PAWR: variants seen among roughly 807,000 people sequenced by gnomAD.
PAWR encodes the protein PRKC apoptosis WT1 regulator protein.
A neutral mutation model predicts 32.0 loss-of-function variants in PAWR; 23 were observed. The ratio of observed to expected loss-of-function variants is 0.72; its 90% CI spans 0.52 to 1.02. PAWR has a LOEUF of 1.02. Among genes scored for constraint, PAWR ranks in the 50% least tolerant of loss-of-function variants. PAWR has a pLI of 0.00. For missense variants in PAWR, 457 were observed against 437.7 expected (o/e 1.04, Z -0.39); for synonymous variants, 226 against 187.1 (o/e 1.21, Z -1.70).
chr12:79,671,211 G>A (rs1331078279), intron 2 of PAWR, among the ~76,000 whole-genome samples: 3 of 151,248 alleles, frequency 2.0e-5, no homozygotes, highest in African/African-American at 7.3e-5. Context: ...GTTTGGTGGT[G>A]TTTTAAACTT....
At chr12:79,683,580 C>CTA (rs764939757) in intron 2 of PAWR, among the ~76,000 whole-genome samples, 9 of 149,706 alleles carry the variant, frequency 6.0e-5, no homozygotes, top group Non-Finnish European at 1.3e-4. Context: ...AGTACTGTAA[C>CTA]TAAAGTGGTA....
At chr12:79,653,292 T>A (rs1876940595) in intron 2 of PAWR, among the ~76,000 whole-genome samples, 1 of 152,174 alleles carries the variant, frequency 6.6e-6, no homozygotes, top group Non-Finnish European at 1.5e-5. Flanking sequence ...GGCCTTGGCT[T>A]CCCAAAGTAC....
At chr12:79,652,779 T>C (rs570256080) in intron 2 of PAWR, among the ~76,000 whole-genome samples, 13 of 152,334 alleles carry the variant, frequency 8.5e-5, no homozygotes, top group African/African-American at 3.1e-4. Context: ...AGCAAAGAAT[T>C]GGATTTAGTA....
At chr12:79,593,585 G>A (rs934937966) in intron 6 of PAWR, among the ~76,000 whole-genome samples, 4 of 151,316 alleles carry the variant, frequency 2.6e-5, no homozygotes, top group East Asian at 2.0e-4. Flanking sequence ...ACTTGAACCC[G>A]GGGGGTGGAG....
intron 2 of PAWR, among the ~76,000 whole-genome samples, chr12:79,633,106 A>G (rs1161250568): frequency 6.6e-6 from 1 of 152,096 alleles, no homozygotes; most frequent in Non-Finnish European, 1.5e-5. Flanking sequence ...GCCTAGGCAA[A>G]AGAGAGAGAC....
Position 79,613,631 on chromosome 12 carries a change from G to C in PAWR, c.649-22C>G, listed in dbSNP as rs540871793. On this transcript the variant is annotated intron_variant, in intron 3 of 6. Coordinates refer to ENST00000328827, the MANE Select transcript of PAWR (RefSeq NM_002583.4). ...GCTCCTGCAAAGTAAAAATAATTAT[G>C]TATCAGTTTGAGTATGTATGTACAC... The C allele has an allele frequency of 2.2e-4, 316 of 1,436,966 alleles. 1 individual carries two copies. In the South Asian group the frequency reaches 3.7e-3, roughly 17 times the overall value. 89.0% of individuals were successfully genotyped at this position (1,436,966 alleles called of 1,614,324 possible).
At chr12:79,689,593 C>A in intron 2 of PAWR, 136 bp downstream of exon 2, 2 of 960,076 alleles carry the variant, frequency 2.1e-6, no homozygotes, top group Non-Finnish European at 1.5e-6. Flanking sequence ...TCACCCCCTG[C>A]CTGCCTAACT....
At chr12:79,665,326 A>T (rs1592542602) in intron 2 of PAWR, among the ~76,000 whole-genome samples, 1 of 152,210 alleles carries the variant, frequency 6.6e-6, no homozygotes, top group Non-Finnish European at 1.5e-5. Context: ...TCTAACTAGA[A>T]AAGATTTATT....
chr12:79,647,733 C>A (rs1210582338), intron 2 of PAWR, among the ~76,000 whole-genome samples: 1 of 152,094 alleles, frequency 6.6e-6, no homozygotes, highest in Non-Finnish European at 1.5e-5. Context: ...AGCACCAGTT[C>A]TGGGGAAGGG....
chr12:79,675,590 T>C (rs563399863), intron 2 of PAWR, among the ~76,000 whole-genome samples: 2 of 152,200 alleles, frequency 1.3e-5, no homozygotes, highest in Non-Finnish European at 2.9e-5. Context: ...TGCAGCAATA[T>C]AGATGGAGCT....
chr12:79,657,563 G>T (rs189882149), intron 2 of PAWR, among the ~76,000 whole-genome samples: 1 of 152,108 alleles, frequency 6.6e-6, no homozygotes, highest in Non-Finnish European at 1.5e-5. Context: ...AGGCTGAGGC[G>T]GGCGGATCAC....
intron 2 of PAWR, among the ~76,000 whole-genome samples, chr12:79,642,379 T>C (rs1335747776): frequency 6.6e-6 from 1 of 150,722 alleles, no homozygotes. Context: ...GTCAGATGTA[T>C]TACTAAATAG....
At chr12:79,595,814 T>C (rs1239447634) in intron 5 of PAWR, among the ~76,000 whole-genome samples, 2 of 152,132 alleles carry the variant, frequency 1.3e-5, no homozygotes, top group Non-Finnish European at 2.9e-5. Context: ...ACTGAGCCAT[T>C]GTACTCCAGC....
At chr12:79,618,141 C>A (rs1315577094) in intron 3 of PAWR, among the ~76,000 whole-genome samples, 2 of 149,366 alleles carry the variant, frequency 1.3e-5, no homozygotes, top group Non-Finnish European at 1.5e-5. Context: ...TTTTTTGTTT[C>A]TTTTTTTGAG....
chr12:79,620,571 G>A (rs1218132111), intron 3 of PAWR, among the ~76,000 whole-genome samples: 1 of 152,216 alleles, frequency 6.6e-6, no homozygotes, highest in Non-Finnish European at 1.5e-5. Flanking sequence ...CCATAAAGGG[G>A]CAGCCAGAGT....
chr12:79,681,126 AGGGAG>A (rs1274912588), intron 2 of PAWR, among the ~76,000 whole-genome samples: 1 of 16,340 alleles, frequency 6.1e-5, no homozygotes, highest in Non-Finnish European at 1.1e-4. Flanking sequence ...AAGGAGAAGA[AGGGAG>A]GGGAGGGGAG....
rs1354969200 is a variant in PAWR, at chr12:79,588,058, A to C, written c.*4549T>G. 2.6e-5 allele frequency: 4 copies of C among 151,986 alleles called. No individual in the cohort carries two copies. The highest frequency in any genetic ancestry group is 9.7e-5 in the African/African-American group (4 of 41,438). The allele number at this position is 151,986 out of a possible 1,614,324, so 9.4% of individuals were successfully genotyped here. A position where few individuals can be genotyped will look rare whatever the true frequency, so the allele number is the denominator to read the frequency against. ...GGATGCTACTTAAATTTAGAAGAAA[A>C]ACATAAGAATAAAAACCCTGAATAG... On this transcript the variant is annotated 3_prime_UTR_variant, in exon 7 of 7. Transcript: ENST00000328827.
chr12:79,615,215 G>A (rs1874669044), intron 3 of PAWR, among the ~76,000 whole-genome samples: 2 of 152,094 alleles, frequency 1.3e-5, no homozygotes, highest in African/African-American at 4.8e-5. Flanking sequence ...AATTTTTCAT[G>A]TATATATCTT....
intron 4 of PAWR, among the ~76,000 whole-genome samples, chr12:79,602,068 T>A (rs886175695): frequency 1.3e-5 from 2 of 152,138 alleles, no homozygotes; most frequent in African/African-American, 4.8e-5. Context: ...AACTCATAAA[T>A]CCGCATAGAT....
Sources: gnomAD v4.1 joint callset for allele counts (sites outside exome capture counted in the v4.1 genomes callset) on GRCh38, gnomAD v4.1.1 for gene constraint, MANE v1.5 for transcripts, NCBI Gene and HGNC (gene_info 2026-07-23, HGNC 2026-07-21) for gene names.